Variants in DEUP1 observed in about 807,000 individuals in gnomAD.
DEUP1 encodes deuterosome assembly protein 1, also known as coiled-coil domain containing 67.
DEUP1 carries 82 observed loss-of-function variants against 87.4 expected under a neutral mutation model. The ratio of observed to expected loss-of-function variants is 0.94; its 90% CI spans 0.78 to 1.13. DEUP1 has a LOEUF of 1.13. DEUP1 is among the 50% of genes most tolerant of loss of function. The pLI, the probability that DEUP1 is intolerant of heterozygous loss-of-function variation, is 0.00. For missense variants in DEUP1, 663 were observed against 681.5 expected, an observed-to-expected ratio of 0.97 and a Z score of 0.30; for synonymous variants, 214 against 222.7, an observed-to-expected ratio of 0.96 and a Z score of 0.35.
Position 93,349,510 on chromosome 11 carries a change from C to G in DEUP1, c.30-5861C>G, listed in dbSNP as rs142878595. ...CCTAAACCAAAGGATCTGTGAGACC[C>G]CCTCTGAGCTGATTAGACCATACCT... is the stretch of plus-strand genomic sequence containing the variant. On this transcript the variant is annotated intron_variant, in intron 2 of 13. Transcript: ENST00000298050. Among the ~76,000 whole-genome samples, 299 of 152,154 alleles carry G rather than the reference C, an allele frequency of 2.0e-3. 1 individual carries two copies. Among genetic ancestry groups the G allele is most frequent in the Non-Finnish European group, 3.5e-3 (240 of 68,018 alleles).
intron 7 of DEUP1, among the ~76,000 whole-genome samples, chr11:93,380,690 A>G (rs1288000622): frequency 6.6e-6 from 1 of 152,138 alleles, no homozygotes; most frequent in Admixed American, 6.5e-5. Flanking sequence ...GGAGTGAGCC[A>G]CCGCGCCCGG....
intron 9 of DEUP1, among the ~76,000 whole-genome samples, chr11:93,391,415 A>G (rs536705156): frequency 2.6e-5 from 4 of 152,252 alleles, no homozygotes; most frequent in Non-Finnish European, 4.4e-5. Flanking sequence ...TTATATTTTA[A>G]AAGTTCCATT....
At chr11:93,383,568 T>C (rs1300430032) in intron 7 of DEUP1, 4 of 660,676 alleles carry the variant, frequency 6.1e-6, no homozygotes, top group African/African-American at 1.8e-5. Flanking sequence ...TGTGACTAAA[T>C]TGAAAACTGC....
At chr11:93,405,167 T>C (rs866792493) in intron 11 of DEUP1, among the ~76,000 whole-genome samples, 68 of 151,962 alleles carry the variant, frequency 4.5e-4, no homozygotes, top group African/African-American at 1.5e-3. Context: ...GTAGATATCT[T>C]ATTAAGAGTC....
intron 4 of DEUP1, 149 bp downstream of exon 4, chr11:93,357,192 G>A: frequency 1.8e-6 from 1 of 562,836 alleles, no homozygotes; most frequent in South Asian, 2.4e-5. Flanking sequence ...TGTTTTATAT[G>A]CATTGATTTT....
At chr11:93,431,112 A>AAAAG (rs1565355735) in intron 13 of DEUP1, among the ~76,000 whole-genome samples, 7 of 113,388 alleles carry the variant, frequency 6.2e-5, no homozygotes, top group East Asian at 2.9e-4. Flanking sequence ...AAAAAAAAAA[A>AAAAG]AAAGAAAGAA....
At chr11:93,337,105 C>T (rs1382924725) in intron 2 of DEUP1, among the ~76,000 whole-genome samples, 1 of 152,156 alleles carries the variant, frequency 6.6e-6, no homozygotes, top group African/African-American at 2.4e-5. Context: ...CCAGATTCTT[C>T]TTATCTGCTG....
intron 13 of DEUP1, among the ~76,000 whole-genome samples, chr11:93,436,488 C>A (rs767931011): frequency 1.3e-5 from 2 of 152,148 alleles, no homozygotes; most frequent in African/African-American, 2.4e-5. Flanking sequence ...AATGCATTTG[C>A]CAGATCAATA....
intron 2 of DEUP1, among the ~76,000 whole-genome samples, chr11:93,354,662 T>G (rs1291826771): frequency 6.6e-6 from 1 of 151,730 alleles, no homozygotes; most frequent in African/African-American, 2.4e-5. Context: ...CAAGAGAAAA[T>G]GAGGAAGAAG....
chr11:93,385,668 GTA>G lies in DEUP1; in HGVS notation c.935+126_935+127del, dbSNP rs1946510170. The G allele has an allele frequency of 2.2e-5, 13 of 598,516 alleles. No homozygotes were observed. In the East Asian group the frequency reaches 4.4e-4, roughly 20 times the overall value. The allele number at this position is 598,516 out of a possible 1,614,324, so 37.1% of individuals were successfully genotyped here. On this transcript the variant is annotated intron_variant, in intron 8 of 13. Transcript: ENST00000298050. ...TTTGTATTAACATGTTAATTAGTGGGTAATATTAAATATTAAAAATAAAATTT... is the reference window on the plus strand; with the variant it reads ...TTTGTATTAACATGTTAATTAGTGGGATATTAAATATTAAAAATAAAATTT...
chr11:93,434,557 ACT>A (rs1948186551), intron 13 of DEUP1, among the ~76,000 whole-genome samples: 1 of 152,134 alleles, frequency 6.6e-6, no homozygotes, highest in East Asian at 1.9e-4. Flanking sequence ...TAGGAACTCC[ACT>A]CTGTGTGTCT....
intron 13 of DEUP1, among the ~76,000 whole-genome samples, chr11:93,415,819 T>C (rs186106312): frequency 3.9e-3 from 598 of 152,262 alleles, no homozygotes; most frequent in Non-Finnish European, 7.4e-3. Context: ...CTGTAGTTTA[T>C]TTTTGTTTCT....
intron 12 of DEUP1, among the ~76,000 whole-genome samples, chr11:93,410,181 A>G (rs954561246): frequency 6.6e-6 from 1 of 152,216 alleles, no homozygotes; most frequent in African/African-American, 2.4e-5. Context: ...AGGAAACAGT[A>G]ACCATTCAAA....
chr11:93,374,871 A>G (rs1399611260), intron 7 of DEUP1, among the ~76,000 whole-genome samples: 2 of 151,998 alleles, frequency 1.3e-5, no homozygotes, highest in African/African-American at 4.8e-5. Context: ...TTTTGGGAGT[A>G]TGGTCATTTT....
chr11:93,379,768 G>C (rs1260195579), intron 7 of DEUP1, among the ~76,000 whole-genome samples: 2 of 148,586 alleles, frequency 1.3e-5, no homozygotes, highest in Admixed American at 6.7e-5. Context: ...ACCTGAGAAG[G>C]CTCTGTGGGT....
chr11:93,340,578 A>G (rs945966740), intron 2 of DEUP1, among the ~76,000 whole-genome samples: 12 of 152,186 alleles, frequency 7.9e-5, no homozygotes, highest in African/African-American at 2.2e-4. Context: ...TCTAGTTGCT[A>G]TGGGAAGAAT....
intron 7 of DEUP1, among the ~76,000 whole-genome samples, chr11:93,377,844 T>G (rs1946112864): frequency 6.6e-6 from 1 of 152,180 alleles, no homozygotes. Context: ...AAAGACTGTA[T>G]CTTTCCTTCA....
intron 2 of DEUP1, among the ~76,000 whole-genome samples, chr11:93,342,536 A>T (rs1591087045): frequency 6.6e-6 from 1 of 152,308 alleles, no homozygotes; most frequent in Non-Finnish European, 1.5e-5. Flanking sequence ...GGTACCCACA[A>T]TATCTGCTGC....
intron 5 of DEUP1, among the ~76,000 whole-genome samples, chr11:93,367,759 T>C (rs1945497139): frequency 6.6e-6 from 1 of 152,230 alleles, no homozygotes; most frequent in Non-Finnish European, 1.5e-5. Context: ...TATGCAATAA[T>C]ATACAGCCAT....
Sources: gnomAD v4.1 joint callset for allele counts (sites outside exome capture counted in the v4.1 genomes callset) on GRCh38, gnomAD v4.1.1 for gene constraint, MANE v1.5 for transcripts, NCBI Gene and HGNC (gene_info 2026-07-23, HGNC 2026-07-21) for gene names.